The following SGK1 variants were observed in gnomAD, a reference collection of about 807,000 sequenced individuals.
SGK1 encodes serum/glucocorticoid regulated kinase 1.
SGK1 carries 26 observed loss-of-function variants against 64.2 expected under a neutral mutation model. The observed-to-expected ratio is 0.40, with a 90% CI of 0.30 to 0.56. The LOEUF is 0.56. Among genes scored for constraint, SGK1 ranks in the 20% least tolerant of loss-of-function variants. SGK1 has a pLI of 0.38. For synonymous variants in SGK1, 265 were observed against 239.7 expected, an observed-to-expected ratio of 1.11 and a Z score of -0.98; for missense variants, 519 against 645.6, an observed-to-expected ratio of 0.80 and a Z score of 2.12.
rs62425191 is a variant in SGK1, at chr6:134,257,939, G to A, written c.285+3994C>T. Among the ~76,000 whole-genome samples the A allele has an allele frequency of 7.2e-5, 11 of 152,182 alleles. No individual in the cohort carries two copies. The South Asian group carries it at 1.0e-3, about 14-fold the overall frequency. On this transcript the variant is annotated intron_variant, in intron 2 of 13. Transcript: ENST00000367858. The stretch of plus-strand genomic sequence containing the variant: ...TGATTTGCCTAAAATAATCTGCATC[G>A]GGAGATGTCAGGAGAACAACCTGGG...
At chr6:134,181,922 A>G (rs1775337602) in intron 3 of SGK1, among the ~76,000 whole-genome samples, 1 of 151,864 alleles carries the variant, frequency 6.6e-6, no homozygotes, top group South Asian at 2.1e-4. Context: ...CAGTGGCGCA[A>G]TCTTGGCTTA....
At chr6:134,232,361 G>A (rs189057379) in intron 2 of SGK1, among the ~76,000 whole-genome samples, 1 of 148,522 alleles carries the variant, frequency 6.7e-6, no homozygotes, top group Admixed American at 6.8e-5. Context: ...CTCTAGCCTG[G>A]GCGATAGAGC....
intron 2 of SGK1, among the ~76,000 whole-genome samples, chr6:134,238,192 T>G (rs1445709134): frequency 6.6e-6 from 1 of 152,222 alleles, no homozygotes; most frequent in African/African-American, 2.4e-5. Flanking sequence ...CCTGACTAAA[T>G]ACACCTGGAT....
Position 134,173,137 on chromosome 6 carries a change from C to T in SGK1, c.720G>A (p.Ser240=), listed in dbSNP as rs146022654. The change falls in exon 8 of 14, where the codon TCG becomes TCA. Residue 240 remains serine (S), a synonymous_variant. Coordinates refer to ENST00000367858, the MANE Select transcript of SGK1 (RefSeq NM_001143676.3). ...LKKKEEKHIM[S]ERNVLLKNVK... is the part of the protein sequence containing the mutation. ...CATTCTTCAACAGAACATTCCGCTC[C>T]GACATAATATGCTTCTCCTAGGAAA... is the stretch of plus-strand genomic sequence containing the variant. 6.5e-5 allele frequency: 105 copies of T among 1,613,384 alleles called. 1 individual carries two copies. The African/African-American group carries it at 7.1e-4, about 11-fold the overall frequency.
intron 1 of SGK1, among the ~76,000 whole-genome samples, chr6:134,300,553 AAG>A: frequency 6.8e-6 from 1 of 146,564 alleles, no homozygotes; most frequent in Non-Finnish European, 1.5e-5. Flanking sequence ...AAAAAAAAAA[AAG>A]AAAGAAAGAT....
At chr6:134,226,531 A>C (rs1373032588) in intron 2 of SGK1, among the ~76,000 whole-genome samples, 1 of 151,872 alleles carries the variant, frequency 6.6e-6, no homozygotes, top group African/African-American at 2.4e-5. Flanking sequence ...TCTCTACAAA[A>C]AAAGTACAAA....
chr6:134,178,871 C>G (rs1231722545), intron 3 of SGK1, among the ~76,000 whole-genome samples: 1 of 152,092 alleles, frequency 6.6e-6, no homozygotes, highest in Non-Finnish European at 1.5e-5. Context: ...AAACTGCAGT[C>G]AAAACCCTCA....
chr6:134,207,601 A>G (rs914822941), intron 2 of SGK1, among the ~76,000 whole-genome samples, 170 bp from the exon 3 acceptor site: 4 of 152,196 alleles, frequency 2.6e-5, no homozygotes, highest in African/African-American at 9.6e-5. Flanking sequence ...TAGCACTGAA[A>G]GTCCCATATC....
At chr6:134,305,794 G>A (rs531140374) in intron 1 of SGK1, among the ~76,000 whole-genome samples, 1 of 152,118 alleles carries the variant, frequency 6.6e-6, no homozygotes, top group South Asian at 2.1e-4. Flanking sequence ...TTACAGGGAT[G>A]AGCCATCATG....
intron 2 of SGK1, among the ~76,000 whole-genome samples, chr6:134,214,428 TA>T (rs1243130900): frequency 1.3e-5 from 2 of 152,126 alleles, no homozygotes; most frequent in East Asian, 3.9e-4. Flanking sequence ...CCGTCTCTAC[TA>T]AATATACAAA....
intron 1 of SGK1, among the ~76,000 whole-genome samples, chr6:134,310,032 T>C (rs12528047): frequency 0.19 from 28,891 of 152,142 alleles, 3,594 homozygotes; most frequent in East Asian, 0.55. Flanking sequence ...TATGCTTTCA[T>C]ATTCGGAAAT....
chr6:134,294,885 G>A (rs1277827455), intron 1 of SGK1, among the ~76,000 whole-genome samples: 3 of 152,172 alleles, frequency 2.0e-5, no homozygotes, highest in Non-Finnish European at 4.4e-5. Flanking sequence ...AATAATTACT[G>A]TAAATTTCTC....
At chr6:134,271,310 TC>T (rs1371712227) in intron 1 of SGK1, among the ~76,000 whole-genome samples, 1 of 118,316 alleles carries the variant, frequency 8.5e-6, no homozygotes, top group African/African-American at 2.8e-5. Context: ...TGAAACTGTC[TC>T]AAAAAAAAAA....
intron 3 of SGK1, among the ~76,000 whole-genome samples, chr6:134,189,094 T>C (rs1229628190): frequency 1.3e-5 from 2 of 152,040 alleles, no homozygotes; most frequent in East Asian, 1.9e-4. Flanking sequence ...TGTTTCTCAG[T>C]TGTGATTATA....
intron 1 of SGK1, among the ~76,000 whole-genome samples, chr6:134,270,203 C>T (rs1776918407): frequency 6.8e-6 from 1 of 148,054 alleles, no homozygotes; most frequent in South Asian, 2.2e-4. Flanking sequence ...GTTGGGATTA[C>T]AGGCGTGAGC....
chr6:134,248,259 TTAG>T (rs1776554792), intron 2 of SGK1, among the ~76,000 whole-genome samples: 6 of 152,128 alleles, frequency 3.9e-5, no homozygotes. Context: ...ATCTGTTCTA[TTAG>T]TAGTCTTCAG....
At chr6:134,276,213 G>A (rs1413509013) in intron 1 of SGK1, among the ~76,000 whole-genome samples, 1 of 152,174 alleles carries the variant, frequency 6.6e-6, no homozygotes, top group African/African-American at 2.4e-5. Context: ...CTCCATGCTA[G>A]GTATTTTTCA....
At chr6:134,174,210 T>C (rs1228753799) in intron 4 of SGK1, 130 bp from the exon 5 acceptor site, 1 of 658,634 alleles carries the variant, frequency 1.5e-6, no homozygotes, top group Non-Finnish European at 2.7e-6. Flanking sequence ...AATACCCCAA[T>C]ACATTAGTCA....
intron 2 of SGK1, 36 bp from the exon 3 acceptor site, chr6:134,207,467 A>C: frequency 1.4e-6 from 2 of 1,446,616 alleles, no homozygotes; most frequent in Non-Finnish European, 1.9e-6. Context: ...TGATATAAAA[A>C]TGGCTTCATC....
Sources: gnomAD v4.1 joint callset for allele counts (sites outside exome capture counted in the v4.1 genomes callset) on GRCh38, gnomAD v4.1.1 for gene constraint, MANE v1.5 for transcripts, NCBI Gene and HGNC (gene_info 2026-07-23, HGNC 2026-07-21) for gene names.